The following CDH4 variants were observed in gnomAD, a reference collection of about 807,000 sequenced individuals.
The protein encoded by CDH4 is cadherin-4.
In CDH4, 33 loss-of-function variants were observed where a neutral mutation model predicts 86.0. The ratio of observed to expected loss-of-function variants is 0.38; its 90% CI spans 0.29 to 0.51. The LOEUF is 0.51. CDH4 is among the 20% of genes least tolerant of loss of function. The probability of loss-of-function intolerance (pLI) is 0.86; values close to 1 mark genes in which losing one functional copy is unlikely to be tolerated. For missense variants in CDH4, 1,114 were observed against 1,307.4 expected (o/e 0.85, Z 2.28); for synonymous variants, 555 against 549.4 (o/e 1.01, Z -0.14).
intron 2 of CDH4, among the ~76,000 whole-genome samples, chr20:61,724,997 G>A (rs56122149): frequency 2.6e-5 from 4 of 152,024 alleles, no homozygotes; most frequent in South Asian, 2.1e-4. Context: ...CCGTGGTCCC[G>A]GCTACATAGG....
chr20:61,602,868 C>T (rs1388025366), intron 2 of CDH4, among the ~76,000 whole-genome samples: 1 of 152,160 alleles, frequency 6.6e-6, no homozygotes, highest in Non-Finnish European at 1.5e-5. Flanking sequence ...ACTTGATGAA[C>T]GTGTTACGGT....
At chr20:61,730,793 G>C (rs571313633) in intron 2 of CDH4, among the ~76,000 whole-genome samples, 11 of 152,230 alleles carry the variant, frequency 7.2e-5, no homozygotes, top group African/African-American at 2.7e-4. Context: ...GAGCCTTCCA[G>C]AAACGCCAGA....
chr20:61,337,184 A>T (rs1239205110), intron 2 of CDH4, among the ~76,000 whole-genome samples: 1 of 125,530 alleles, frequency 8.0e-6, no homozygotes, highest in African/African-American at 3.0e-5. Flanking sequence ...GATACCTGAG[A>T]ACTTAGTGAG....
intron 2 of CDH4, among the ~76,000 whole-genome samples, chr20:61,353,009 G>A (rs1385953046): frequency 1.3e-5 from 2 of 152,082 alleles, no homozygotes; most frequent in East Asian, 1.9e-4. Flanking sequence ...CTCAGGCTCT[G>A]GGGACCCCAC....
chr20:61,699,655 T>C (rs546402398), intron 2 of CDH4, among the ~76,000 whole-genome samples: 9 of 152,318 alleles, frequency 5.9e-5, no homozygotes, highest in African/African-American at 2.2e-4. Flanking sequence ...TGTAGTTGTT[T>C]CGTGGAGGTC....
At chr20:61,562,290 G>A (rs1391672798) in intron 2 of CDH4, among the ~76,000 whole-genome samples, 1 of 106,470 alleles carries the variant, frequency 9.4e-6, no homozygotes, top group African/African-American at 4.5e-5. Flanking sequence ...GGACCCCAGG[G>A]CTCCCGGAGA....
chr20:61,931,248 G>C (rs986085604), intron 13 of CDH4, among the ~76,000 whole-genome samples: 1 of 152,236 alleles, frequency 6.6e-6, no homozygotes, highest in East Asian at 1.9e-4. Flanking sequence ...GACTAGGCCC[G>C]GGCTCCAGGC....
At chr20:61,327,832 G>A (rs1440500463) in intron 2 of CDH4, among the ~76,000 whole-genome samples, 1 of 152,176 alleles carries the variant, frequency 6.6e-6, no homozygotes, top group African/African-American at 2.4e-5. Context: ...TCTAGCAGCT[G>A]AGGACTGTCT....
chr20:61,309,009 AC>A (rs2123219073), intron 2 of CDH4, among the ~76,000 whole-genome samples: 1 of 152,340 alleles, frequency 6.6e-6, no homozygotes, highest in African/African-American at 2.4e-5. Flanking sequence ...TTGGAGCAGG[AC>A]TGACTGCATG....
chr20:61,702,768 C>G (rs2087790552), intron 2 of CDH4, among the ~76,000 whole-genome samples: 1 of 152,202 alleles, frequency 6.6e-6, no homozygotes, highest in African/African-American at 2.4e-5. Flanking sequence ...GCATTTCTGT[C>G]TAGTTTATCG....
At chr20:61,646,938 ACTGT>A (rs1378559945) in intron 2 of CDH4, among the ~76,000 whole-genome samples, 2 of 152,184 alleles carry the variant, frequency 1.3e-5, no homozygotes, top group Admixed American at 6.5e-5. Context: ...GTTAAAACAC[ACTGT>A]CTGTGATTCG....
At chr20:61,608,418 C>T (rs538766023) in intron 2 of CDH4, among the ~76,000 whole-genome samples, 1 of 152,316 alleles carries the variant, frequency 6.6e-6, no homozygotes, top group Non-Finnish European at 1.5e-5. Context: ...CCAAGTGGAA[C>T]TGCTACGACC....
Position 61,451,124 on chromosome 20 carries a change from C to G in CDH4, c.169+196187C>G, listed in dbSNP as rs887041124. ...TGAGCTTTTTCCCTCCCTCTCACGC[C>G]CCCCCCCTTCCCTCCGTGTCATCCT... is the stretch of plus-strand genomic sequence containing the variant. On this transcript the variant is annotated intron_variant, in intron 2 of 15. Transcript: ENST00000614565. Among the ~76,000 whole-genome samples, 34 of 90,522 alleles carry G rather than the reference C, an allele frequency of 3.8e-4. 1 individual carries two copies. The South Asian group carries it at 8.2e-3, about 22-fold the overall frequency. 59.4% of individuals were successfully genotyped at this position (90,522 alleles called of 152,430 possible). A position where few individuals can be genotyped will look rare whatever the true frequency, so the allele number is the denominator to read the frequency against.
intron 4 of CDH4, among the ~76,000 whole-genome samples, chr20:61,842,795 G>T (rs1352765991): frequency 6.6e-6 from 1 of 151,976 alleles, no homozygotes; most frequent in African/African-American, 2.4e-5. Flanking sequence ...CTGCTTTCTT[G>T]TTCCTTTCCT....
chr20:61,658,153 G>A (rs981398673), intron 2 of CDH4, among the ~76,000 whole-genome samples: 4 of 152,054 alleles, frequency 2.6e-5, no homozygotes, highest in Admixed American at 2.6e-4. Context: ...GGCTGCTCTC[G>A]CTTCCAGATC....
intron 9 of CDH4, among the ~76,000 whole-genome samples, chr20:61,915,854 G>A (rs1428190336): frequency 1.3e-5 from 2 of 152,070 alleles, no homozygotes; most frequent in African/African-American, 2.4e-5. Flanking sequence ...ATTCCTGAGA[G>A]TGACTCTTAC....
chr20:61,578,695 G>A (rs1333069761), intron 2 of CDH4, among the ~76,000 whole-genome samples: 1 of 152,112 alleles, frequency 6.6e-6, no homozygotes, highest in East Asian at 1.9e-4. Context: ...TGCTGTGCAT[G>A]GAAAGTCTGG....
intron 2 of CDH4, among the ~76,000 whole-genome samples, chr20:61,281,444 C>A (rs574969266): frequency 1.3e-5 from 2 of 152,318 alleles, no homozygotes; most frequent in African/African-American, 4.8e-5. Flanking sequence ...AGACACGGAA[C>A]CTGCCGGCGC....
intron 2 of CDH4, among the ~76,000 whole-genome samples, chr20:61,580,004 C>T (rs528828441): frequency 2.0e-5 from 3 of 152,200 alleles, no homozygotes; most frequent in African/African-American, 7.2e-5. Flanking sequence ...CAGCACCTTC[C>T]CCGCCAGTCA....
Sources: allele counts gnomAD v4.1 joint callset (sites outside exome capture counted in the v4.1 genomes callset), GRCh38; gene constraint gnomAD v4.1.1; transcripts MANE v1.5; gene names NCBI Gene and HGNC (gene_info 2026-07-23, HGNC 2026-07-21).